Variants in ATL2 observed in about 807,000 individuals in gnomAD.
ATL2 encodes atlastin-2.
ATL2 carries 31 observed loss-of-function variants against 73.9 expected under a neutral mutation model. The ratio of observed to expected loss-of-function variants is 0.42; its 90% CI spans 0.32 to 0.57. The LOEUF is 0.57. ATL2 is among the 20% of genes least tolerant of loss of function. The pLI is 0.14. For missense variants in ATL2, 738 were observed against 702.6 expected, an observed-to-expected ratio of 1.05 and a Z score of -0.57; for synonymous variants, 291 against 237.5, an observed-to-expected ratio of 1.23 and a Z score of -2.07.
intron 1 of ATL2, among the ~76,000 whole-genome samples, chr2:38,362,212 T>C (rs1273433080): frequency 1.3e-5 from 2 of 152,248 alleles, no homozygotes; most frequent in East Asian, 1.9e-4. Context: ...TTGAGATTTC[T>C]AGCTCCCTAA....
In ATL2 at chr2:38,329,111, C is replaced by G. The variant is rs151207329; in HGVS notation, c.364-10092G>C. Among the ~76,000 whole-genome samples, 385 of 138,782 alleles carry G rather than the reference C, an allele frequency of 2.8e-3. 3 individuals carry two copies. The highest frequency in any genetic ancestry group is 9.6e-3 in the African/African-American group (358 of 37,296). The allele number at this position is 138,782 out of a possible 152,430, so 91.0% of individuals were successfully genotyped here. ...AACTACCAAACTCACACAAGGAGAACTAGATCATCTATTTAAAAAAAAAAA... is the reference window on the plus strand; with the variant it reads ...AACTACCAAACTCACACAAGGAGAAGTAGATCATCTATTTAAAAAAAAAAA... On this transcript the variant is annotated intron_variant, in intron 2 of 12. Transcript: ENST00000378954.
At chr2:38,343,573 G>A (rs1172329528) in intron 1 of ATL2, 61 bp from the exon 2 acceptor site, 7 of 1,517,586 alleles carry the variant, frequency 4.6e-6, no homozygotes, top group Non-Finnish European at 5.4e-6. Context: ...CTTTCATTAA[G>A]GACCACAACT....
At position 38,305,668 on chromosome 2, in the gene ATL2, T is replaced by C. The variant is rs1037966062; in HGVS notation, c.1071+3711A>G. ...ACACATGGAAATTATATTAATACAATAGGCTCTTGAATGACCACTAGATCA... is the reference window on the plus strand; with the variant it reads ...ACACATGGAAATTATATTAATACAACAGGCTCTTGAATGACCACTAGATCA... On this transcript the variant is annotated intron_variant, in intron 9 of 12. Coordinates refer to ENST00000378954, the MANE Select transcript of ATL2 (RefSeq NM_001135673.4). Among the ~76,000 whole-genome samples, 55 of 152,116 alleles carry C rather than the reference T, an allele frequency of 3.6e-4. 2 individuals carry two copies. The highest frequency in any genetic ancestry group is 9.9e-4 in the African/African-American group (41 of 41,534).
At chr2:38,319,415 G>A (rs934194284) in intron 2 of ATL2, among the ~76,000 whole-genome samples, 2 of 151,272 alleles carry the variant, frequency 1.3e-5, no homozygotes, top group African/African-American at 2.4e-5. Context: ...CCTGGCCAAC[G>A]TGGCAAAACG....
chr2:38,352,453 G>A (rs573261600), intron 1 of ATL2, among the ~76,000 whole-genome samples: 7 of 152,276 alleles, frequency 4.6e-5, no homozygotes, highest in Admixed American at 3.9e-4. Context: ...TAACTATAGA[G>A]TGAAGAACTA....
chr2:38,313,756 G>A (rs1042709399), intron 6 of ATL2, among the ~76,000 whole-genome samples: 13 of 152,246 alleles, frequency 8.5e-5, no homozygotes, highest in East Asian at 1.9e-4. Flanking sequence ...GCTGTCCTGT[G>A]TATTGTAGAA....
intron 1 of ATL2, among the ~76,000 whole-genome samples, chr2:38,370,031 G>A (rs974044057): frequency 3.3e-5 from 5 of 150,608 alleles, no homozygotes; most frequent in African/African-American, 1.2e-4. Context: ...GCGGGCGCCT[G>A]TAGTCCCAGG....
chr2:38,324,548 A>T (rs1398909166), intron 2 of ATL2, among the ~76,000 whole-genome samples: 1 of 152,222 alleles, frequency 6.6e-6, no homozygotes, highest in Non-Finnish European at 1.5e-5. Flanking sequence ...ACTTTAAAAC[A>T]GTTTAAAACT....
At chr2:38,364,975 C>T (rs990273226) in intron 1 of ATL2, among the ~76,000 whole-genome samples, 11 of 151,404 alleles carry the variant, frequency 7.3e-5, no homozygotes, top group Non-Finnish European at 1.2e-4. Flanking sequence ...ACCCGGGAGG[C>T]GGAGCTTGCA....
intron 1 of ATL2, among the ~76,000 whole-genome samples, chr2:38,367,986 G>C (rs13003853): frequency 6.7e-6 from 1 of 149,980 alleles, no homozygotes; most frequent in African/African-American, 2.5e-5. Context: ...CCAGTCTGGA[G>C]TGCAGTGGCG....
chr2:38,338,738 C>T (rs1044281642), intron 2 of ATL2, among the ~76,000 whole-genome samples: 3 of 152,102 alleles, frequency 2.0e-5, no homozygotes, highest in African/African-American at 7.2e-5. Context: ...GCTTAACCAA[C>T]AGGTGAAGAG....
chr2:38,364,188 G>A (rs1473525908), intron 1 of ATL2, among the ~76,000 whole-genome samples: 4 of 152,102 alleles, frequency 2.6e-5, no homozygotes, highest in African/African-American at 9.7e-5. Flanking sequence ...CTTGAACCCG[G>A]GAGGCAGAGG....
At chr2:38,300,367 C>G (rs1667123304) in intron 9 of ATL2, 39 bp from the exon 10 acceptor site, 2 of 1,457,088 alleles carry the variant, frequency 1.4e-6, no homozygotes, top group South Asian at 2.3e-5. Flanking sequence ...ACGGATTATG[C>G]AATTTGGCTC....
chr2:38,310,362 G>T lies in ATL2; in HGVS notation c.890C>A (p.Pro297Gln). The change falls in exon 8 of 13, where the codon CCA (proline) becomes CAA (glutamine). Residue 297 changes from proline to glutamine, a missense_variant. By Grantham distance (76) the Pro-to-Gln change is moderately conservative (BLOSUM62 -1). Transcript: ENST00000378954. ...AGTTGCAACTTTAAGACCAGGATGT[G>T]GCAAAAGGAAGCAACCAAGATTTGA... The part of the protein sequence containing the change: ...CFSNLGCFLL[P>Q]HPGLKVATNP... 1 of 1,610,780 alleles carries T rather than the reference G, an allele frequency of 6.2e-7. No homozygotes were observed. Among genetic ancestry groups the T allele is most frequent in the Non-Finnish European group, 8.5e-7 (1 of 1,178,740 alleles).
chr2:38,357,780 T>C (rs1558448453), intron 1 of ATL2, among the ~76,000 whole-genome samples: 2 of 151,910 alleles, frequency 1.3e-5, no homozygotes, highest in East Asian at 3.9e-4. Flanking sequence ...TATATCAAGA[T>C]ACATGACAAC....
chr2:38,377,403 GCCCTCCGCCTGTATCTCCTC>G (rs1672057349), upstream of ATL2: 1 of 656,860 alleles, frequency 1.5e-6, no homozygotes, highest in Non-Finnish European at 2.5e-6. Flanking sequence ...GTATCTCCTC[GCCCTCCGCCTGTATCTCCTC>G]GCCCTCCCTC....
In ATL2 at chr2:38,309,359, C is replaced by G. The variant is rs1041428201; in HGVS notation, c.1071+20G>C. On this transcript the variant is annotated intron_variant, in intron 9 of 12. Coordinates refer to ENST00000378954, the MANE Select transcript of ATL2 (RefSeq NM_001135673.4). ...AACTACATTTCTATCTTAGACAAAA[C>G]TGTTTAAGAGCTCACCTACCTTAAA... The G allele has an allele frequency of 1.3e-6, 2 of 1,584,916 alleles. No individual in the cohort carries two copies.
chr2:38,359,330 C>T (rs541861767), intron 1 of ATL2, among the ~76,000 whole-genome samples: 18 of 152,002 alleles, frequency 1.2e-4, no homozygotes, highest in African/African-American at 3.9e-4. Flanking sequence ...ATTAGCCAGG[C>T]GTGGTGCCAC....
At position 38,300,358 on chromosome 2, in the gene ATL2, C is replaced by A. The variant is rs374336033; in HGVS notation, c.1072-30G>T. The A allele has an allele frequency of 1.4e-5, 21 of 1,539,812 alleles. No homozygotes were observed. The African/African-American group carries it at 2.6e-4, about 19-fold the overall frequency. ...AAAGGGAGAAGATTTGTTAGACTGA[C>A]GGATTATGCAATTTGGCTCCACATC... On this transcript the variant is annotated intron_variant, in intron 9 of 12. Transcript: ENST00000378954.
Sources: allele counts gnomAD v4.1 joint callset (sites outside exome capture counted in the v4.1 genomes callset), GRCh38; gene constraint gnomAD v4.1.1; transcripts MANE v1.5; gene names NCBI Gene and HGNC (gene_info 2026-07-23, HGNC 2026-07-21).